Variants in RNF157 observed in about 807,000 individuals in gnomAD.
RNF157 encodes the protein E3 ubiquitin ligase RNF157.
In RNF157, 55 loss-of-function variants were observed where a neutral mutation model predicts 88.3. The observed-to-expected ratio is 0.62, with a 90% CI of 0.50 to 0.78. The LOEUF (loss-of-function observed/expected upper bound fraction) is 0.78, where lower values mean the gene tolerates loss of function less well. Ranked by LOEUF, RNF157 falls within the 30% of genes least tolerant of loss-of-function variation. The probability of loss-of-function intolerance (pLI) is 0.00; values close to 1 mark genes in which losing one functional copy is unlikely to be tolerated. For synonymous variants in RNF157, 334 were observed against 341.2 expected (o/e 0.98, Z 0.23); for missense variants, 788 against 860.8 (o/e 0.92, Z 1.06).
chr17:76,191,472 A>G (rs1384207924), intron 2 of RNF157, among the ~76,000 whole-genome samples: 3 of 151,902 alleles, frequency 2.0e-5, no homozygotes, highest in Admixed American at 6.6e-5. Flanking sequence ...GCGTGGTGGC[A>G]GGCACCTGTA....
chr17:76,203,317 C>T (rs996286923), intron 2 of RNF157, among the ~76,000 whole-genome samples: 1 of 152,126 alleles, frequency 6.6e-6, no homozygotes. Flanking sequence ...TTAAAATATT[C>T]CTGCAAGGTA....
At chr17:76,165,015 G>A (rs1182289918) in intron 7 of RNF157, among the ~76,000 whole-genome samples, 1 of 152,130 alleles carries the variant, frequency 6.6e-6, no homozygotes, top group Admixed American at 6.5e-5. Context: ...AGTTATAATT[G>A]TTTTAGTTTA....
intron 18 of RNF157, chr17:76,147,173 G>A (rs768973533): frequency 4.3e-4 from 423 of 984,884 alleles, no homozygotes; most frequent in Non-Finnish European, 4.6e-4. Flanking sequence ...AGTGTGGCAG[G>A]ATAAATATAA....
intron 1 of RNF157, among the ~76,000 whole-genome samples, chr17:76,236,090 G>C (rs893990424): frequency 3.9e-5 from 6 of 152,112 alleles, no homozygotes; most frequent in Admixed American, 2.6e-4. Flanking sequence ...ATGTGGGTGG[G>C]CCTCTAGTCA....
At chr17:76,159,994 T>A (rs2068824041) in intron 11 of RNF157, among the ~76,000 whole-genome samples, 1 of 152,166 alleles carries the variant, frequency 6.6e-6, no homozygotes, top group Non-Finnish European at 1.5e-5. Context: ...CTTTCCTCTT[T>A]AAAAAAATAG....
At chr17:76,180,250 T>C (rs1418691045) in intron 2 of RNF157, among the ~76,000 whole-genome samples, 2 of 152,212 alleles carry the variant, frequency 1.3e-5, no homozygotes, top group Admixed American at 6.5e-5. Flanking sequence ...TATTTCACTT[T>C]TTATAATGAA....
intron 1 of RNF157, among the ~76,000 whole-genome samples, chr17:76,225,251 T>C (rs901427341): frequency 3.3e-5 from 5 of 152,110 alleles, no homozygotes; most frequent in Admixed American, 2.0e-4. Context: ...TTTGGGAGGC[T>C]GAGGTGGGAG....
At chr17:76,210,911 T>C (rs1261849456) in intron 2 of RNF157, among the ~76,000 whole-genome samples, 1 of 152,138 alleles carries the variant, frequency 6.6e-6, no homozygotes, top group Admixed American at 6.6e-5. Context: ...TTCAAGCGAT[T>C]CTCCTGCTTC....
intron 1 of RNF157, among the ~76,000 whole-genome samples, chr17:76,233,845 T>C (rs55685190): frequency 2.0e-5 from 3 of 152,182 alleles, no homozygotes; most frequent in Non-Finnish European, 2.9e-5. Flanking sequence ...ATTTTGAAAA[T>C]AGCTTTGTGG....
At chr17:76,170,550 A>G (rs2068997728) in intron 3 of RNF157, among the ~76,000 whole-genome samples, 1 of 152,084 alleles carries the variant, frequency 6.6e-6, no homozygotes, top group African/African-American at 2.4e-5. Flanking sequence ...CCTTTGGCCA[A>G]GGTGTAGGAA....
At chr17:76,147,034 G>C (rs893164554) in intron 18 of RNF157, 1 of 985,324 alleles carries the variant, frequency 1.0e-6, no homozygotes, top group South Asian at 4.7e-5. Flanking sequence ...GTGAGAACAG[G>C]AGAGTCTTGG....
intron 1 of RNF157, among the ~76,000 whole-genome samples, chr17:76,236,247 T>C (rs903247877): frequency 2.6e-5 from 4 of 152,168 alleles, no homozygotes; most frequent in Non-Finnish European, 4.4e-5. Flanking sequence ...CCCAAGTATG[T>C]GGAGGGAAAC....
At chr17:76,166,773 A>G (rs540676016) in intron 5 of RNF157, among the ~76,000 whole-genome samples, 3 of 152,304 alleles carry the variant, frequency 2.0e-5, no homozygotes, top group African/African-American at 7.2e-5. Context: ...GCTTTCTCAA[A>G]GTATCCTAGG....
chr17:76,155,402 T>A, intron 15 of RNF157, 85 bp from the exon 16 acceptor site: 1 of 1,490,858 alleles, frequency 6.7e-7, no homozygotes. Context: ...AAAATTGGTG[T>A]CAAATAGGAG....
Position 76,145,329 on chromosome 17 carries a change from G to A in RNF157, c.1946C>T (p.Ala649Val), listed in dbSNP as rs370503920. The stretch of plus-strand genomic sequence containing the variant: ...CCGGCGCTGGGCATTCCGACTGACG[G>A]CATTGTCATCAGCCTGCCAGGCACC... ...LPGAWQADDNAVSRNAQRRRL... is the reference protein window; with the variant it reads ...LPGAWQADDNVVSRNAQRRRL... Residue 649 changes from alanine (A) to valine (V), a missense_variant, in exon 19 of 19, where the codon GCC (alanine) becomes GTC (valine). Coordinates refer to ENST00000269391, the MANE Select transcript of RNF157 (RefSeq NM_052916.3). 1.2e-5 allele frequency: 19 copies of A among 1,612,646 alleles called. No homozygotes were observed. The highest frequency in any genetic ancestry group is 3.3e-5 in the Admixed American group (2 of 59,884).
intron 1 of RNF157, among the ~76,000 whole-genome samples, chr17:76,215,273 C>T (rs1044090750): frequency 2.0e-5 from 3 of 151,858 alleles, no homozygotes; most frequent in African/African-American, 7.3e-5. Context: ...GCAAGCTTAG[C>T]AAGACCTTGT....
intron 2 of RNF157, among the ~76,000 whole-genome samples, chr17:76,183,440 T>C (rs2069230908): frequency 6.6e-6 from 1 of 152,144 alleles, no homozygotes; most frequent in Non-Finnish European, 1.5e-5. Flanking sequence ...CCAAAATAAA[T>C]TCACATAAAG....
intron 1 of RNF157, among the ~76,000 whole-genome samples, chr17:76,235,726 T>C (rs1264983987): frequency 2.6e-5 from 4 of 152,216 alleles, no homozygotes; most frequent in Non-Finnish European, 5.9e-5. Flanking sequence ...GATACATCTA[T>C]GGCTGGGTAC....
At chr17:76,152,674 A>G in intron 17 of RNF157, 1 of 508,556 alleles carries the variant, frequency 2.0e-6, no homozygotes, top group Non-Finnish European at 3.6e-6. Context: ...CTGTTTCCCT[A>G]GAGCCCTTTC....
Sources: allele counts gnomAD v4.1 joint callset (sites outside exome capture counted in the v4.1 genomes callset), GRCh38; gene constraint gnomAD v4.1.1; transcripts MANE v1.5; gene names NCBI Gene and HGNC (gene_info 2026-07-23, HGNC 2026-07-21).